ARRB1: variants seen among roughly 807,000 people sequenced by gnomAD.
The protein encoded by ARRB1 is beta-arrestin-1.
A neutral mutation model predicts 56.8 loss-of-function variants in ARRB1; 21 were observed. That is an observed-to-expected ratio of 0.37 (90% CI 0.26 to 0.53). The LOEUF is 0.53. Ranked by LOEUF, ARRB1 falls within the 20% of genes least tolerant of loss-of-function variation. The pLI is 0.88. For missense variants in ARRB1, 424 were observed against 553.7 expected (o/e 0.77, Z 2.35); for synonymous variants, 210 against 218.6 (o/e 0.96, Z 0.35).
rs1249710889 is a variant in ARRB1 at position 75,268,906 on chromosome 11, T to C, written c.1076A>G (p.Glu359Gly). 6.2e-7 allele frequency: 1 copy of C among 1,609,852 alleles called. No individual in the cohort carries two copies. The highest frequency in any genetic ancestry group is 8.5e-7 in the Non-Finnish European group (1 of 1,178,902). The change falls in exon 14 of 16, where the codon GAA becomes GGA. Residue 359 changes from glutamate to glycine, a missense_variant. Glu to Gly is a moderately conservative substitution (Grantham distance 98). Coordinates refer to ENST00000420843, the MANE Select transcript of ARRB1 (RefSeq NM_004041.5). ...FTLMHPKPKE[E>G]PPHREVPENE... is the part of the protein sequence containing the mutation. ...CTGCTCACCTTCCCGATGCGGGGGT[T>C]CCTCTTTGGGCTTGGGGTGCATTAG...
chr11:75,324,854 A>T (rs1037637995), intron 1 of ARRB1, among the ~76,000 whole-genome samples: 1 of 152,154 alleles, frequency 6.6e-6, no homozygotes, highest in Non-Finnish European at 1.5e-5. Flanking sequence ...GGCCCTTCCT[A>T]GACTTTTCTG....
chr11:75,294,258 T>C (rs1484067093), intron 1 of ARRB1, among the ~76,000 whole-genome samples: 1 of 152,132 alleles, frequency 6.6e-6, no homozygotes, highest in African/African-American at 2.4e-5. Flanking sequence ...AACCAACTTA[T>C]GGCTGGGCAT....
intron 1 of ARRB1, among the ~76,000 whole-genome samples, chr11:75,314,379 C>A (rs979720769): frequency 2.0e-5 from 3 of 152,212 alleles, no homozygotes; most frequent in South Asian, 2.1e-4. Context: ...GGATGCCCCC[C>A]CTCCAGCAGA....
At chr11:75,276,639 C>T (rs7952044) in intron 10 of ARRB1, among the ~76,000 whole-genome samples, 200 bp downstream of exon 10, 1,849 of 152,296 alleles carry the variant, frequency 0.012, 41 homozygotes, top group African/African-American at 0.042. Flanking sequence ...TTGACTGTAG[C>T]ATGCATTTTC....
intron 1 of ARRB1, among the ~76,000 whole-genome samples, chr11:75,310,805 AGTCATGTG>A (rs1947139284): frequency 1.3e-5 from 2 of 152,168 alleles, no homozygotes; most frequent in Admixed American, 6.5e-5. Context: ...TGATTGAGTC[AGTCATGTG>A]GTCTGCTCAA....
chr11:75,272,608 G>GAAGAGGCC (rs1946095144), intron 12 of ARRB1, among the ~76,000 whole-genome samples: 1 of 152,136 alleles, frequency 6.6e-6, no homozygotes, highest in Non-Finnish European at 1.5e-5. Context: ...CGTCCCCTGG[G>GAAGAGGCC]CATGGCCAAT....
intron 1 of ARRB1, among the ~76,000 whole-genome samples, chr11:75,317,776 G>A (rs1348497299): frequency 6.6e-6 from 1 of 152,206 alleles, no homozygotes; most frequent in Non-Finnish European, 1.5e-5. Flanking sequence ...CCCCATCAGT[G>A]CTCCAGCAGA....
chr11:75,350,757 G>A (rs1359423245), intron 1 of ARRB1, among the ~76,000 whole-genome samples: 1 of 152,238 alleles, frequency 6.6e-6, no homozygotes, highest in African/African-American at 2.4e-5. Flanking sequence ...GATCTATTTG[G>A]ATGAAATGCG....
At chr11:75,328,407 C>T (rs548666878) in intron 1 of ARRB1, among the ~76,000 whole-genome samples, 4 of 152,304 alleles carry the variant, frequency 2.6e-5, no homozygotes, top group African/African-American at 9.6e-5. Context: ...TCAGTTGCTG[C>T]CTGTTCCTCC....
intron 1 of ARRB1, among the ~76,000 whole-genome samples, chr11:75,291,094 G>T (rs1316678884): frequency 6.6e-6 from 1 of 152,184 alleles, no homozygotes; most frequent in Non-Finnish European, 1.5e-5. Context: ...GCTCATGCCT[G>T]TAATCCCAGC....
chr11:75,276,465 C>G (rs540373842), intron 10 of ARRB1, among the ~76,000 whole-genome samples: 1 of 152,296 alleles, frequency 6.6e-6, no homozygotes, highest in Non-Finnish European at 1.5e-5. Flanking sequence ...GAGCTGTGTA[C>G]CTAGTGCCTT....
At chr11:75,333,357 G>A (rs933267183) in intron 1 of ARRB1, among the ~76,000 whole-genome samples, 6 of 152,208 alleles carry the variant, frequency 3.9e-5, no homozygotes, top group African/African-American at 1.4e-4. Context: ...ACTTAACACT[G>A]TTTTCTTTGG....
chr11:75,351,511 G>A, intron 1 of ARRB1, 77 bp downstream of exon 1: 1 of 1,490,320 alleles, frequency 6.7e-7, no homozygotes, highest in South Asian at 1.2e-5. Flanking sequence ...GAACCAGGAC[G>A]CAATCGGAGC....
intron 1 of ARRB1, among the ~76,000 whole-genome samples, chr11:75,314,392 T>G (rs1947226253): frequency 6.6e-6 from 1 of 152,108 alleles, no homozygotes; most frequent in Non-Finnish European, 1.5e-5. Context: ...CCAGCAGAAA[T>G]GCAGACCCCA....
intron 1 of ARRB1, among the ~76,000 whole-genome samples, chr11:75,295,203 C>T (rs752270164): frequency 2.1e-4 from 23 of 111,750 alleles, no homozygotes; most frequent in Non-Finnish European, 3.2e-4. Context: ...GCCTGGGTGA[C>T]AGAGTGAAAC....
chr11:75,341,985 C>G (rs182703125), intron 1 of ARRB1, among the ~76,000 whole-genome samples: 1 of 152,172 alleles, frequency 6.6e-6, no homozygotes, highest in Non-Finnish European at 1.5e-5. Flanking sequence ...CCCCTCCTAA[C>G]GAGAGAAGGA....
chr11:75,271,846 C>T (rs530971363), intron 12 of ARRB1, 122 bp from the exon 13 acceptor site: 241 of 1,028,938 alleles, frequency 2.3e-4, no homozygotes, highest in Non-Finnish European at 3.3e-4. Context: ...ACGGGACACA[C>T]TCCCACCCAC....
chr11:75,282,605 G>A (rs554712772), intron 5 of ARRB1, among the ~76,000 whole-genome samples: 12 of 152,334 alleles, frequency 7.9e-5, no homozygotes, highest in Non-Finnish European at 1.3e-4. Flanking sequence ...GCCCTGCCAC[G>A]CCTCCATGGT....
intron 4 of ARRB1, 31 bp downstream of exon 4, chr11:75,284,204 T>G: frequency 1.9e-6 from 3 of 1,589,544 alleles, no homozygotes; most frequent in Non-Finnish European, 2.6e-6. Context: ...AGGCGGCCCT[T>G]GACAGGCTGG....
Sources: gnomAD v4.1 joint callset for allele counts (sites outside exome capture counted in the v4.1 genomes callset) on GRCh38, gnomAD v4.1.1 for gene constraint, MANE v1.5 for transcripts, NCBI Gene and HGNC (gene_info 2026-07-23, HGNC 2026-07-21) for gene names.